The following FRYL variants were observed in gnomAD, a reference collection of about 807,000 sequenced individuals.
FRYL encodes FRY like transcription coactivator.
Under a neutral mutation model 351.2 loss-of-function variants are expected in FRYL, and 150 were observed. The observed-to-expected ratio is 0.43, with a 90% confidence interval of 0.37 to 0.49. The LOEUF (loss-of-function observed/expected upper bound fraction) is 0.49. FRYL is among the 20% of genes least tolerant of loss of function. The probability of loss-of-function intolerance (pLI) is 0.00; values close to 1 mark genes in which losing one functional copy is unlikely to be tolerated. For missense variants in FRYL, 3,036 were observed against 3,619.3 expected (o/e 0.84, Z 4.13); for synonymous variants, 1,153 against 1,257.1 (o/e 0.92, Z 1.75).
intron 2 of FRYL, among the ~76,000 whole-genome samples, chr4:48,689,895 C>CTTT (rs869300628): frequency 4.4e-5 from 6 of 135,672 alleles, no homozygotes; most frequent in Non-Finnish European, 8.0e-5. Context: ...TTCTTTTTTT[C>CTTT]TTTTTTTTTT....
chr4:48,687,447 G>A lies in FRYL; in HGVS notation c.-203-2652C>T, dbSNP rs1765247786. Among the ~76,000 whole-genome samples, 4 of 142,992 alleles carry A rather than the reference G, an allele frequency of 2.8e-5. No individual in the cohort carries two copies. In the South Asian group the frequency reaches 9.1e-4, roughly 32 times the overall value. The allele number at this position is 142,992 out of a possible 152,430, so 93.8% of individuals were successfully genotyped here. A position where few individuals can be genotyped will look rare whatever the true frequency, so the allele number is the denominator to read the frequency against. ...TTCCATGTGTAATAAATAGTGAACA[G>A]TGGTCCAGCTCTGGTGCTTGGGAGG... is the stretch of plus-strand genomic sequence containing the variant. On this transcript the variant is annotated intron_variant, in intron 2 of 63. Coordinates refer to ENST00000358350, the MANE Select transcript of FRYL (RefSeq NM_015030.2).
chr4:48,647,388 C>G (rs1315140854), intron 3 of FRYL, among the ~76,000 whole-genome samples: 2 of 152,172 alleles, frequency 1.3e-5, no homozygotes, highest in African/African-American at 4.8e-5. Context: ...TTATTCTGGC[C>G]TGTTTGCGTA....
At chr4:48,579,336 G>A in intron 22 of FRYL, 95 bp from the exon 23 acceptor site, 1 of 988,412 alleles carries the variant, frequency 1.0e-6, no homozygotes, top group East Asian at 2.5e-5. Flanking sequence ...TGTATTAGTA[G>A]TTTCTAAAAC....
chr4:48,613,049 A>G (rs1483240904), intron 7 of FRYL, among the ~76,000 whole-genome samples: 1 of 152,122 alleles, frequency 6.6e-6, no homozygotes, highest in African/African-American at 2.4e-5. Context: ...TGGATTTCTG[A>G]TTTTCTTAAA....
chr4:48,630,245 CTG>C (rs1454742916), intron 4 of FRYL, among the ~76,000 whole-genome samples: 2 of 152,138 alleles, frequency 1.3e-5, no homozygotes, highest in Non-Finnish European at 2.9e-5. Context: ...TTCCAATCAA[CTG>C]TGTTTCATTC....
intron 13 of FRYL, among the ~76,000 whole-genome samples, chr4:48,601,613 G>C (rs1281198152): frequency 1.3e-5 from 2 of 152,094 alleles, no homozygotes; most frequent in Non-Finnish European, 2.9e-5. Flanking sequence ...TGTGATTTTA[G>C]TGATATTATC....
At chr4:48,716,893 C>T (rs1246342432) in intron 1 of FRYL, among the ~76,000 whole-genome samples, 4 of 150,946 alleles carry the variant, frequency 2.6e-5, no homozygotes, top group Non-Finnish European at 5.9e-5. Context: ...CAATGATAGA[C>T]TGGATTAAGA....
chr4:48,544,125 AT>A (rs1730833019), intron 43 of FRYL, 128 bp from the exon 44 acceptor site: 1 of 735,238 alleles, frequency 1.4e-6, no homozygotes, highest in African/African-American at 1.8e-5. Flanking sequence ...TTATAAGTCA[AT>A]GCTTTTTCTT....
chr4:48,711,499 G>A (rs1047852455), intron 1 of FRYL, among the ~76,000 whole-genome samples: 1 of 152,266 alleles, frequency 6.6e-6, no homozygotes, highest in Admixed American at 6.5e-5. Flanking sequence ...CAAGGTGGCA[G>A]CGAGGCTAGG....
At chr4:48,719,060 C>G (rs1307717216) in intron 1 of FRYL, among the ~76,000 whole-genome samples, 1 of 151,644 alleles carries the variant, frequency 6.6e-6, no homozygotes, top group Non-Finnish European at 1.5e-5. Flanking sequence ...TCTCACTACT[C>G]CAATGCATCT....
chr4:48,552,244 G>GGTGT (rs67155390), intron 36 of FRYL, among the ~76,000 whole-genome samples: 2,533 of 145,316 alleles, frequency 0.017, 24 homozygotes, highest in Admixed American at 0.036. Context: ...AGTCCAAAGG[G>GGTGT]GTGTGTGTGT....
At position 48,553,288 on chromosome 4, in the gene FRYL, T is replaced by C. The variant is rs1733301363; in HGVS notation, c.4362A>G (p.Ser1454=). 2 of 1,613,484 alleles carry C rather than the reference T, an allele frequency of 1.2e-6. No individual in the cohort carries two copies. The change falls in exon 36 of 64, where the codon TCA becomes TCG. Residue 1454 remains serine, a synonymous_variant. Coordinates refer to ENST00000358350, the MANE Select transcript of FRYL (RefSeq NM_015030.2). ...SELQLTDPVS[S]GVTHMDNPPY... is the part of the protein sequence containing the mutation. ...GGGGATTATCCATGTGAGTGACCCC[T>C]GAACTGACAGGATCGGTCAGCTGAA...
chr4:48,632,617 A>G (rs924733613), intron 4 of FRYL, among the ~76,000 whole-genome samples: 3 of 151,548 alleles, frequency 2.0e-5, no homozygotes, highest in Non-Finnish European at 4.4e-5. Flanking sequence ...TATATACATT[A>G]GTATAAAAAT....
chr4:48,599,000 C>A, intron 13 of FRYL: 1 of 226,002 alleles, frequency 4.4e-6, no homozygotes, highest in Non-Finnish European at 7.3e-6. Context: ...TTGAAATGTC[C>A]AAGACAGTGG....
chr4:48,643,694 A>T (rs1578490082), intron 3 of FRYL, among the ~76,000 whole-genome samples: 4 of 152,338 alleles, frequency 2.6e-5, no homozygotes, highest in Middle Eastern at 6.8e-3. Context: ...AACTTTATTA[A>T]CTAGCAACAA....
At chr4:48,647,763 C>T (rs544660467) in intron 3 of FRYL, among the ~76,000 whole-genome samples, 8 of 152,246 alleles carry the variant, frequency 5.3e-5, no homozygotes, top group South Asian at 2.1e-4. Flanking sequence ...GAAAAATTCA[C>T]GTTGTTTACT....
chr4:48,556,420 C>A (rs1038428111), intron 35 of FRYL, among the ~76,000 whole-genome samples: 1 of 152,204 alleles, frequency 6.6e-6, no homozygotes, highest in Non-Finnish European at 1.5e-5. Context: ...TTATCTTCTT[C>A]GTTTCATATC....
chr4:48,649,780 A>T (rs755558736), intron 3 of FRYL, among the ~76,000 whole-genome samples: 2 of 152,200 alleles, frequency 1.3e-5, no homozygotes, highest in Non-Finnish European at 2.9e-5. Context: ...GCAGCACTGC[A>T]TCAACATTCT....
rs779433737 is a variant in FRYL, at chr4:48,623,158, G to A, written c.142C>T (p.Leu48Phe). Residue 48 changes from leucine to phenylalanine, a missense_variant, in exon 5 of 64, where the codon CTT becomes TTT. Leu to Phe is a conservative substitution (Grantham distance 22). Transcript: ENST00000358350. The part of the protein sequence containing the change: ...EPLEKLLSRS[L>F]QRGEDLQFDQ... ...AACTGAAGATCTTCACCCCTCTGAA[G>A]AGATCTGGACAATAGCTTCTCCTAT... 6.4e-7 allele frequency: 1 copy of A among 1,562,842 alleles called. No homozygotes were observed.
Sources: gnomAD v4.1 joint callset for allele counts (sites outside exome capture counted in the v4.1 genomes callset) on GRCh38, gnomAD v4.1.1 for gene constraint, MANE v1.5 for transcripts, NCBI Gene and HGNC (gene_info 2026-07-23, HGNC 2026-07-21) for gene names.